The following FXN variants were observed in gnomAD, a reference collection of about 807,000 sequenced individuals.
FXN encodes the protein frataxin, mitochondrial.
FXN carries 14 observed loss-of-function variants against 22.4 expected under a neutral mutation model. That is an observed-to-expected ratio of 0.62 (90% CI 0.41 to 0.98). The LOEUF (loss-of-function observed/expected upper bound fraction) is 0.98, where lower values mean the gene tolerates loss of function less well. Ranked by LOEUF, FXN falls within the 50% of genes least tolerant of loss-of-function variation. FXN has a pLI of 0.00. For missense variants in FXN, 267 were observed against 268.4 expected, an observed-to-expected ratio of 0.99 and a Z score of 0.04; for synonymous variants, 120 against 114.1, an observed-to-expected ratio of 1.05 and a Z score of -0.33.
At chr9:69,069,906 A>C (rs1171668201) in intron 4 of FXN, among the ~76,000 whole-genome samples, 1 of 152,178 alleles carries the variant, frequency 6.6e-6, no homozygotes, top group Non-Finnish European at 1.5e-5. Flanking sequence ...CCAGGAATTG[A>C]AGAAAGACTC....
intron 1 of FXN, chr9:69,043,333 A>G (rs971108233): frequency 1.3e-5 from 2 of 152,202 alleles, no homozygotes; most frequent in Non-Finnish European, 2.9e-5. Context: ...GGAGGCTGTG[A>G]TGTTCCTTAC....
chr9:69,053,366 T>C lies in FXN; in HGVS notation c.384+106T>C, dbSNP rs545068629. 1,292 of 1,375,104 alleles carry C rather than the reference T, an allele frequency of 9.4e-4. 2 individuals are homozygous for C. The highest frequency in any genetic ancestry group is 1.2e-3 in the Non-Finnish European group (1,165 of 974,396). The allele number at this position is 1,375,104 out of a possible 1,614,324, so 85.2% of individuals were successfully genotyped here. A position where few individuals can be genotyped will look rare whatever the true frequency, so the allele number is the denominator to read the frequency against. ...GAGCTAAGCATCAAGTAGCATGTAG[T>C]TGTAGGTAGGATTAAAAGACTAGGG... is the stretch of plus-strand genomic sequence containing the variant. On this transcript the variant is annotated intron_variant, in intron 3 of 4. Coordinates refer to ENST00000484259, the MANE Select transcript of FXN (RefSeq NM_000144.5).
rs917242154 is a variant in FXN at position 69,043,870 on chromosome 9, C to A, written c.166-2515C>A. Among the ~76,000 whole-genome samples, 5 of 152,270 alleles carry A rather than the reference C, an allele frequency of 3.3e-5. No individual in the cohort carries two copies. The East Asian group carries it at 9.7e-4, about 29-fold the overall frequency. Reference sequence around the variant, plus strand: ...AACTGCAGAGATTATAGGCACGAACCACAATGCCCGGCCTCATGTTTTTTA... The same window carrying A: ...AACTGCAGAGATTATAGGCACGAACAACAATGCCCGGCCTCATGTTTTTTA... On this transcript the variant is annotated intron_variant, in intron 1 of 4. Transcript: ENST00000484259.
At position 69,076,140 on chromosome 9, in the gene FXN, G is replaced by C; in HGVS notation, c.*3378G>C. 8 of 985,088 alleles carry C rather than the reference G, an allele frequency of 8.1e-6. No homozygotes were observed. Among genetic ancestry groups the C allele is most frequent in the Non-Finnish European group, 9.6e-6 (8 of 829,788 alleles). 61.0% of individuals were successfully genotyped at this position (985,088 alleles called of 1,614,324 possible). ...AATGAGGTGTGTAAAAGAGAACCTGGGTTTTTGAATCACAAATTTAGAATT... is the reference window on the plus strand; with the variant it reads ...AATGAGGTGTGTAAAAGAGAACCTGCGTTTTTGAATCACAAATTTAGAATT... On this transcript the variant is annotated 3_prime_UTR_variant, in exon 5 of 5. Coordinates refer to ENST00000484259, the MANE Select transcript of FXN (RefSeq NM_000144.5).
chr9:69,035,914 C>T lies in FXN; in HGVS notation c.132C>T (p.Thr44=), dbSNP rs1437522087. The T allele has an allele frequency of 2.7e-6, 4 of 1,486,412 alleles. No individual in the cohort carries two copies. Among genetic ancestry groups the T allele is most frequent in the Non-Finnish European group, 2.7e-6 (3 of 1,124,772 alleles). 92.1% of individuals were successfully genotyped at this position (1,486,412 alleles called of 1,614,324 possible). Residue 44 remains threonine (T), a synonymous_variant, in exon 1 of 5, where the codon ACC becomes ACT. Coordinates refer to ENST00000484259, the MANE Select transcript of FXN (RefSeq NM_000144.5). ...APLCGRRGLR[T]DIDATCTPRR... Reference sequence around the variant, plus strand: ...TCTGCGGCCGCCGTGGCCTGCGCACCGACATCGATGCGACCTGCACGCCCC... The same window carrying T: ...TCTGCGGCCGCCGTGGCCTGCGCACTGACATCGATGCGACCTGCACGCCCC...
At chr9:69,061,184 GAA>G (rs1832065626) in intron 3 of FXN, among the ~76,000 whole-genome samples, 1 of 152,210 alleles carries the variant, frequency 6.6e-6, no homozygotes, top group South Asian at 2.1e-4. Flanking sequence ...ATTCCGATAG[GAA>G]AAAGTCAATT....
intron 4 of FXN, among the ~76,000 whole-genome samples, chr9:69,068,486 G>A (rs1832215075): frequency 6.6e-6 from 1 of 152,234 alleles, no homozygotes; most frequent in Non-Finnish European, 1.5e-5. Context: ...GGCAAGTGGA[G>A]GCAGAGCTGC....
chr9:69,045,934 A>C (rs894223730), intron 1 of FXN, among the ~76,000 whole-genome samples: 2 of 152,190 alleles, frequency 1.3e-5, no homozygotes, highest in Non-Finnish European at 2.9e-5. Flanking sequence ...AGCAGTGGCC[A>C]AGTGGGCATG....
chr9:69,066,284 T>G (rs1832164429), intron 4 of FXN, among the ~76,000 whole-genome samples: 1 of 152,256 alleles, frequency 6.6e-6, no homozygotes, highest in African/African-American at 2.4e-5. Context: ...TTAAAAATTA[T>G]AACCTTACTC....
In FXN at chr9:69,069,020, C is replaced by T. The variant is rs533288035; in HGVS notation, c.483-3592C>T. Among the ~76,000 whole-genome samples the T allele has an allele frequency of 2.6e-5, 4 of 152,320 alleles. No homozygotes were observed. In the South Asian group the frequency reaches 8.3e-4, roughly 32 times the overall value. ...ATGACGGCACTGACCATCAGCAAAC[C>T]GCAGAGCTGCCTGACCAAGAAATTG... On this transcript the variant is annotated intron_variant, in intron 4 of 4. Coordinates refer to ENST00000484259, the MANE Select transcript of FXN (RefSeq NM_000144.5).
chr9:69,052,927 T>G (rs1247729872), intron 2 of FXN, among the ~76,000 whole-genome samples: 1 of 149,232 alleles, frequency 6.7e-6, no homozygotes, highest in Non-Finnish European at 1.5e-5. Flanking sequence ...GTGGATCACT[T>G]GATGTCACGA....
intron 2 of FXN, among the ~76,000 whole-genome samples, chr9:69,051,154 A>G (rs574328696): frequency 4.6e-5 from 7 of 152,284 alleles, no homozygotes; most frequent in Admixed American, 4.6e-4. Flanking sequence ...ATGGAATGCA[A>G]TGGCACGATC....
At chr9:69,068,911 C>T (rs1315891753) in intron 4 of FXN, among the ~76,000 whole-genome samples, 1 of 152,202 alleles carries the variant, frequency 6.6e-6, no homozygotes, top group Non-Finnish European at 1.5e-5. Context: ...CCTGAACTTC[C>T]CCGAGTGACT....
At chr9:69,047,260 C>A (rs1181856757) in intron 2 of FXN, among the ~76,000 whole-genome samples, 3 of 151,982 alleles carry the variant, frequency 2.0e-5, no homozygotes, top group African/African-American at 7.3e-5. Flanking sequence ...CCTCCGAGTC[C>A]AAGATTTCCA....
chr9:69,062,965 A>T (rs550496570), intron 3 of FXN, among the ~76,000 whole-genome samples: 9 of 152,092 alleles, frequency 5.9e-5, no homozygotes, highest in African/African-American at 2.2e-4. Flanking sequence ...TGGGAGGCCG[A>T]GGTAGGAGGA....
chr9:69,078,942 C>A lies in FXN; in HGVS notation c.*6180C>A. 1.0e-6 allele frequency: 1 copy of A among 961,864 alleles called. No individual in the cohort carries two copies. The highest frequency in any genetic ancestry group is 1.2e-6 in the Non-Finnish European group (1 of 808,640). 59.6% of individuals were successfully genotyped at this position (961,864 alleles called of 1,614,324 possible). ...CTTCCATGAGGCTAGGACTATGTGT[C>A]TCCTTTGTTGACTGCTGTTGCCCTA... On this transcript the variant is annotated 3_prime_UTR_variant, in exon 5 of 5. Coordinates refer to ENST00000484259, the MANE Select transcript of FXN (RefSeq NM_000144.5).
intron 3 of FXN, among the ~76,000 whole-genome samples, chr9:69,057,779 A>G (rs1319574079): frequency 1.3e-5 from 2 of 151,796 alleles, no homozygotes; most frequent in Non-Finnish European, 2.9e-5. Context: ...CTTCCTAGAT[A>G]CTCCAAGCAG....
intron 3 of FXN, among the ~76,000 whole-genome samples, chr9:69,060,623 G>A (rs2133121317): frequency 6.6e-6 from 1 of 152,234 alleles, no homozygotes; most frequent in Admixed American, 6.5e-5. Context: ...TTTCTTTCCT[G>A]TCACCACTTT....
intron 4 of FXN, among the ~76,000 whole-genome samples, chr9:69,072,098 G>A (rs990281622): frequency 4.6e-5 from 7 of 152,122 alleles, no homozygotes; most frequent in African/African-American, 1.7e-4. Context: ...AACAGCACTG[G>A]GTCTCCTTTT....
Sources: allele counts gnomAD v4.1 joint callset (sites outside exome capture counted in the v4.1 genomes callset), GRCh38; gene constraint gnomAD v4.1.1; transcripts MANE v1.5; gene names NCBI Gene and HGNC (gene_info 2026-07-23, HGNC 2026-07-21).